Variants in GPC6 observed in about 807,000 individuals in gnomAD.
GPC6 encodes glypican-6.
Under a neutral mutation model 55.2 loss-of-function variants are expected in GPC6, and 14 were observed. That is an observed-to-expected ratio of 0.25 (90% CI 0.17 to 0.40). The LOEUF (loss-of-function observed/expected upper bound fraction) is 0.40, where lower values mean the gene tolerates loss of function less well. Among genes scored for constraint, GPC6 ranks in the 10% least tolerant of loss-of-function variants. The pLI is 1.00. For synonymous variants in GPC6, 278 were observed against 259.6 expected, an observed-to-expected ratio of 1.07 and a Z score of -0.68; for missense variants, 641 against 708.5, an observed-to-expected ratio of 0.90 and a Z score of 1.08.
At chr13:93,725,564 C>T (rs1379202853) in intron 2 of GPC6, among the ~76,000 whole-genome samples, 1 of 152,072 alleles carries the variant, frequency 6.6e-6, no homozygotes, top group African/African-American at 2.4e-5. Context: ...GTAGATTTCT[C>T]AGAGGGCCCC....
intron 7 of GPC6, 31 bp downstream of exon 7, chr13:94,382,581 G>A (rs1163335304): frequency 6.2e-7 from 1 of 1,613,278 alleles, no homozygotes; most frequent in Non-Finnish European, 8.5e-7. Flanking sequence ...GCATGGATGG[G>A]GGCACAGCAC....
chr13:94,041,802 G>A (rs1357170812), intron 4 of GPC6, among the ~76,000 whole-genome samples: 2 of 151,658 alleles, frequency 1.3e-5, no homozygotes, highest in African/African-American at 4.8e-5. Flanking sequence ...CTTTATTCTC[G>A]ATCTTCCTAA....
At chr13:93,644,960 T>C (rs1252620000) in intron 2 of GPC6, among the ~76,000 whole-genome samples, 1 of 151,990 alleles carries the variant, frequency 6.6e-6, no homozygotes, top group African/African-American at 2.4e-5. Context: ...GGCATTTCAC[T>C]TGAGAACATT....
At chr13:94,235,279 A>G (rs140412900) in intron 4 of GPC6, among the ~76,000 whole-genome samples, 113 of 152,278 alleles carry the variant, frequency 7.4e-4, no homozygotes, top group African/African-American at 2.5e-3. Flanking sequence ...ATAATGAACC[A>G]AGGACGGAAT....
intron 3 of GPC6, among the ~76,000 whole-genome samples, chr13:93,958,736 G>A (rs986169239): frequency 2.6e-5 from 4 of 152,028 alleles, no homozygotes; most frequent in African/African-American, 9.7e-5. Flanking sequence ...AAAGAATCAT[G>A]TTGGTAATTT....
intron 1 of GPC6, among the ~76,000 whole-genome samples, chr13:93,316,801 T>C (rs1879262668): frequency 6.6e-6 from 1 of 152,114 alleles, no homozygotes; most frequent in African/African-American, 2.4e-5. Context: ...AATCTTATAA[T>C]GTTATGAGGA....
intron 2 of GPC6, among the ~76,000 whole-genome samples, chr13:93,733,577 G>GT (rs1883900366): frequency 6.6e-6 from 1 of 150,484 alleles, no homozygotes; most frequent in Admixed American, 6.6e-5. Context: ...AAATTTTTAT[G>GT]TAAAAAAAAA....
At chr13:94,183,185 CTG>C (rs1270532404) in intron 4 of GPC6, among the ~76,000 whole-genome samples, 1 of 152,210 alleles carries the variant, frequency 6.6e-6, no homozygotes, top group Non-Finnish European at 1.5e-5. Context: ...AACAGAAACT[CTG>C]TAACCATTAA....
intron 2 of GPC6, among the ~76,000 whole-genome samples, chr13:93,722,295 G>A (rs559208097): frequency 1.1e-4 from 17 of 151,462 alleles, no homozygotes; most frequent in African/African-American, 1.5e-4. Context: ...TTCATTCACC[G>A]GTATTTATTA....
intron 2 of GPC6, among the ~76,000 whole-genome samples, chr13:93,604,180 A>G (rs1878140471): frequency 6.6e-6 from 1 of 152,234 alleles, no homozygotes; most frequent in African/African-American, 2.4e-5. Flanking sequence ...TGAAAAGGCA[A>G]AGGGATTGAA....
chr13:93,219,054 A>G, the GPC6 span, among the ~76,000 whole-genome samples: 1 of 136,114 alleles, frequency 7.3e-6, no homozygotes, highest in African/African-American at 2.7e-5. Context: ...AATATCATCA[A>G]CCTGGCTGTT....
intron 3 of GPC6, among the ~76,000 whole-genome samples, chr13:93,854,902 T>TTGAG (rs10648613): frequency 0.66 from 99,258 of 150,778 alleles, 33,177 homozygotes; most frequent in East Asian, 0.81. Context: ...CACAGCAAAA[T>TTGAG]TGGAAGGTAC....
At chr13:93,686,449 A>T (rs1351532433) in intron 2 of GPC6, among the ~76,000 whole-genome samples, 1 of 152,102 alleles carries the variant, frequency 6.6e-6, no homozygotes, top group East Asian at 1.9e-4. Context: ...CATTGGAAGG[A>T]TGCATGAGGC....
chr13:94,213,914 C>A (rs1041323008), intron 4 of GPC6, among the ~76,000 whole-genome samples: 4 of 152,116 alleles, frequency 2.6e-5, no homozygotes, highest in African/African-American at 9.7e-5. Flanking sequence ...TAAATACTAC[C>A]AACTTTAGCT....
At chr13:93,695,484 C>G (rs1481912894) in intron 2 of GPC6, among the ~76,000 whole-genome samples, 1 of 151,844 alleles carries the variant, frequency 6.6e-6, no homozygotes, top group African/African-American at 2.4e-5. Flanking sequence ...CGTGTACTTT[C>G]AAGCATCATA....
At chr13:94,123,160 CTATTAGTAAA>C (rs1419073506) in intron 4 of GPC6, among the ~76,000 whole-genome samples, 4 of 151,900 alleles carry the variant, frequency 2.6e-5, no homozygotes, top group African/African-American at 4.8e-5. Flanking sequence ...AGACAAAATA[CTATTAGTAAA>C]TATTTAAGTA....
At chr13:93,867,283 C>T (rs1282704457) in intron 3 of GPC6, among the ~76,000 whole-genome samples, 4 of 151,696 alleles carry the variant, frequency 2.6e-5, no homozygotes, top group African/African-American at 9.7e-5. Context: ...GTTTAATAAA[C>T]TCTGTTTGTT....
At chr13:93,778,064 T>C (rs1885524227) in intron 2 of GPC6, among the ~76,000 whole-genome samples, 1 of 152,200 alleles carries the variant, frequency 6.6e-6, no homozygotes, top group African/African-American at 2.4e-5. Flanking sequence ...AGGGCAATTA[T>C]TGAATACTTG....
intron 2 of GPC6, among the ~76,000 whole-genome samples, chr13:93,784,326 A>G (rs934883310): frequency 2.0e-5 from 3 of 152,210 alleles, no homozygotes; most frequent in African/African-American, 7.2e-5. Flanking sequence ...CTGGATCAGA[A>G]CAACCTGCAC....
Sources: allele counts gnomAD v4.1 joint callset (sites outside exome capture counted in the v4.1 genomes callset), GRCh38; gene constraint gnomAD v4.1.1; transcripts MANE v1.5; gene names NCBI Gene and HGNC (gene_info 2026-07-23, HGNC 2026-07-21).